Variants in BBS9 observed in about 807,000 individuals in gnomAD.
The protein encoded by BBS9 is Bardet-Biedl syndrome 9.
A neutral mutation model predicts 117.7 loss-of-function variants in BBS9; 89 were observed. The ratio of observed to expected loss-of-function variants is 0.76; its 90% CI spans 0.64 to 0.90. The LOEUF (loss-of-function observed/expected upper bound fraction) is 0.90. Among genes scored for constraint, BBS9 ranks in the 40% least tolerant of loss-of-function variants. BBS9 has a pLI of 0.00. For missense variants in BBS9, 982 were observed against 1,042.2 expected, an observed-to-expected ratio of 0.94 and a Z score of 0.80; for synonymous variants, 379 against 370.9, an observed-to-expected ratio of 1.02 and a Z score of -0.25.
At chr7:33,424,739 C>G (rs981756592) in intron 19 of BBS9, among the ~76,000 whole-genome samples, 2 of 151,864 alleles carry the variant, frequency 1.3e-5, no homozygotes, top group Non-Finnish European at 2.9e-5. Flanking sequence ...TTCTTTTATA[C>G]TGATGGCCGT....
chr7:33,270,898 GAC>G (rs1447443564), intron 7 of BBS9, among the ~76,000 whole-genome samples: 2 of 152,066 alleles, frequency 1.3e-5, no homozygotes, highest in African/African-American at 4.8e-5. Flanking sequence ...TCATCCCCAA[GAC>G]ACATAATCAT....
At chr7:33,328,993 T>TTTCATTTATTTATTTA (rs1554422527) in intron 9 of BBS9, among the ~76,000 whole-genome samples, 2 of 145,364 alleles carry the variant, frequency 1.4e-5, no homozygotes, top group African/African-American at 2.5e-5. Context: ...GTTTTCCTTC[T>TTTCATTTATTTATTTA]TTTATTTATT....
At chr7:33,545,924 CTTTTTTTT>C (rs10537037) in intron 21 of BBS9, among the ~76,000 whole-genome samples, 9 of 64,614 alleles carry the variant, frequency 1.4e-4, no homozygotes, top group South Asian at 7.5e-4. Flanking sequence ...CTTTATAATC[CTTTTTTTT>C]TTTTTTTTTT....
At chr7:33,197,343 A>G (rs915512433) in intron 5 of BBS9, among the ~76,000 whole-genome samples, 1 of 152,076 alleles carries the variant, frequency 6.6e-6, no homozygotes, top group African/African-American at 2.4e-5. Context: ...ACCATGAACT[A>G]CTTTATTCAA....
intron 4 of BBS9, among the ~76,000 whole-genome samples, chr7:33,173,362 C>T (rs1157888637): frequency 4.0e-5 from 6 of 151,876 alleles, no homozygotes; most frequent in African/African-American, 7.3e-5. Context: ...GGGTGGATCA[C>T]GAGGTCAGGA....
chr7:33,191,027 A>C (rs564147264), intron 5 of BBS9, among the ~76,000 whole-genome samples: 1 of 152,212 alleles, frequency 6.6e-6, no homozygotes, highest in Non-Finnish European at 1.5e-5. Context: ...GGTCCCTTAC[A>C]GCAAGAGACC....
In BBS9 at chr7:33,219,924, A is replaced by G. The variant is rs190801509; in HGVS notation, c.443-37312A>G. Among the ~76,000 whole-genome samples the G allele has an allele frequency of 1.7e-3, 263 of 152,186 alleles. 1 individual carries two copies. The highest frequency in any genetic ancestry group is 6.0e-3 in the African/African-American group (250 of 41,516). ...ACTGCCTTTATGAGCTGTAACACTC[A>G]CCGCGAAGTTCTGCAGCTTCACTCC... On this transcript the variant is annotated intron_variant, in intron 5 of 22. Coordinates refer to ENST00000242067, the MANE Select transcript of BBS9 (RefSeq NM_198428.3).
In BBS9 at chr7:33,257,350, A is replaced by T; in HGVS notation, c.557A>T (p.Tyr186Phe). 1 of 1,613,908 alleles carries T rather than the reference A, an allele frequency of 6.2e-7. No homozygotes were observed. The highest frequency in any genetic ancestry group is 8.5e-7 in the Non-Finnish European group (1 of 1,179,880). The part of the protein sequence containing the change: ...PGFLLPGPLA[Y>F]SSRTDSFLTV... ...TTTCTTCTGCCTGGTCCTCTTGCCT[A>T]CAGTTCCCGTACAGATTCCTTCCTT... Residue 186 changes from tyrosine (Y) to phenylalanine (F), a missense_variant, in exon 6 of 23, where the codon TAC becomes TTC. Transcript: ENST00000242067.
chr7:33,264,236 T>A, intron 6 of BBS9, 54 bp from the exon 7 acceptor site: 1 of 935,414 alleles, frequency 1.1e-6, no homozygotes, highest in Non-Finnish European at 1.5e-6. Flanking sequence ...TTAAAATAAT[T>A]TATAATTTTT....
At chr7:33,496,713 C>G (rs921421262) in intron 19 of BBS9, among the ~76,000 whole-genome samples, 1 of 152,146 alleles carries the variant, frequency 6.6e-6, no homozygotes, top group Non-Finnish European at 1.5e-5. Context: ...CCTCAGATTT[C>G]TCTTTTATCT....
intron 21 of BBS9, among the ~76,000 whole-genome samples, chr7:33,571,616 A>G (rs987186456): frequency 2.0e-5 from 3 of 152,144 alleles, no homozygotes; most frequent in Admixed American, 1.3e-4. Context: ...ATCCCAGGCT[A>G]CAGAGGAAGT....
intron 21 of BBS9, among the ~76,000 whole-genome samples, chr7:33,555,904 T>C (rs1855213867): frequency 6.6e-6 from 1 of 152,234 alleles, no homozygotes; most frequent in South Asian, 2.1e-4. Flanking sequence ...ACTTAATAAT[T>C]ACTGCCAGTA....
intron 19 of BBS9, among the ~76,000 whole-genome samples, chr7:33,395,191 C>T (rs1056074580): frequency 6.6e-6 from 1 of 152,132 alleles, no homozygotes; most frequent in African/African-American, 2.4e-5. Flanking sequence ...GGAGAGTTCC[C>T]TCAATTCTGA....
chr7:33,352,463 C>T (rs2128670560), intron 14 of BBS9, among the ~76,000 whole-genome samples: 1 of 152,194 alleles, frequency 6.6e-6, no homozygotes, highest in Non-Finnish European at 1.5e-5. Context: ...ACTGGATTGA[C>T]TTTAAAGGGG....
intron 21 of BBS9, among the ~76,000 whole-genome samples, chr7:33,612,880 C>T (rs1369358632): frequency 6.6e-6 from 1 of 152,048 alleles, no homozygotes; most frequent in East Asian, 1.9e-4. Context: ...CAATTTTAGG[C>T]CTGGTCCTCT....
intron 1 of BBS9, among the ~76,000 whole-genome samples, chr7:33,134,491 A>G (rs996947845): frequency 3.3e-5 from 5 of 152,210 alleles, no homozygotes; most frequent in Admixed American, 1.3e-4. Flanking sequence ...CTTGTATATT[A>G]TCAGATACAT....
intron 20 of BBS9, among the ~76,000 whole-genome samples, chr7:33,509,328 A>G (rs907387213): frequency 6.6e-5 from 10 of 152,182 alleles, no homozygotes; most frequent in African/African-American, 2.4e-4. Flanking sequence ...AATCCCCCAC[A>G]TTATGCCTTT....
chr7:33,298,429 A>G (rs1389313628), intron 9 of BBS9, among the ~76,000 whole-genome samples: 1 of 152,186 alleles, frequency 6.6e-6, no homozygotes, highest in East Asian at 1.9e-4. Flanking sequence ...ACATGACATT[A>G]TGTATGTTGT....
rs1264612488 is a variant in BBS9, at chr7:33,492,206, A to G, written c.2116-13257A>G. Among the ~76,000 whole-genome samples the G allele has an allele frequency of 6.8e-5, 10 of 147,482 alleles. No homozygotes were observed. In the East Asian group the frequency reaches 2.0e-3, roughly 30 times the overall value. On this transcript the variant is annotated intron_variant, in intron 19 of 22. Coordinates refer to ENST00000242067, the MANE Select transcript of BBS9 (RefSeq NM_198428.3). ...TGACAAAGCAAGATTCCACCTCGAA[A>G]AAAAAAACAAAAAAAAAACAAAAAA...
Sources: gnomAD v4.1 joint callset for allele counts (sites outside exome capture counted in the v4.1 genomes callset) on GRCh38, gnomAD v4.1.1 for gene constraint, MANE v1.5 for transcripts, NCBI Gene and HGNC (gene_info 2026-07-23, HGNC 2026-07-21) for gene names.